CNTNAP5: variants seen among roughly 807,000 people sequenced by gnomAD.
CNTNAP5 encodes the protein contactin associated protein family member 5.
Under a neutral mutation model 150.2 loss-of-function variants are expected in CNTNAP5, and 72 were observed. That is an observed-to-expected ratio of 0.48 (90% confidence interval 0.40 to 0.58). The LOEUF is 0.58. Ranked by LOEUF, CNTNAP5 falls within the 20% of genes least tolerant of loss-of-function variation. The probability of loss-of-function intolerance (pLI) is 0.00; values close to 1 mark genes in which losing one functional copy is unlikely to be tolerated. For synonymous variants in CNTNAP5, 672 were observed against 619.8 expected, an observed-to-expected ratio of 1.08 and a Z score of -1.25; for missense variants, 1,636 against 1,626.2, an observed-to-expected ratio of 1.01 and a Z score of -0.10.
intron 11 of CNTNAP5, among the ~76,000 whole-genome samples, chr2:124,580,453 A>G (rs1234630062): frequency 6.6e-6 from 1 of 152,192 alleles, no homozygotes; most frequent in Non-Finnish European, 1.5e-5. Context: ...TCTGTACCTC[A>G]CTTCCACTTT....
At chr2:124,644,744 G>A (rs941720044) in intron 12 of CNTNAP5, among the ~76,000 whole-genome samples, 2 of 152,120 alleles carry the variant, frequency 1.3e-5, no homozygotes, top group African/African-American at 4.8e-5. Flanking sequence ...TTATCCTGCT[G>A]TCTCCCAGGA....
intron 19 of CNTNAP5, among the ~76,000 whole-genome samples, chr2:124,819,817 C>T (rs899030677): frequency 2.6e-5 from 4 of 152,132 alleles, no homozygotes; most frequent in African/African-American, 7.2e-5. Flanking sequence ...AATATCCAGG[C>T]CTCGATGCCA....
At chr2:124,698,375 T>TACACACACACACAC (rs59897587) in intron 13 of CNTNAP5, among the ~76,000 whole-genome samples, 12,336 of 147,296 alleles carry the variant, frequency 0.084, 617 homozygotes, top group Non-Finnish European at 0.12. Context: ...GACGAGAGGA[T>TACACACACACACAC]ACACACACAC....
At chr2:124,290,037 G>A (rs977165760) in intron 3 of CNTNAP5, among the ~76,000 whole-genome samples, 5 of 152,096 alleles carry the variant, frequency 3.3e-5, no homozygotes, top group Non-Finnish European at 5.9e-5. Flanking sequence ...GTTTTGGGGA[G>A]GGTGTTTATA....
In CNTNAP5 at chr2:124,647,800, T is replaced by C; in HGVS notation, c.1919T>C (p.Leu640Pro). 1 of 1,613,160 alleles carries C rather than the reference T, an allele frequency of 6.2e-7. No individual in the cohort carries two copies. The highest frequency in any genetic ancestry group is 8.5e-7 in the Non-Finnish European group (1 of 1,179,410). Residue 640 changes from leucine (L) to proline (P), a missense_variant, in exon 13 of 24, where the codon CTG becomes CCG. Coordinates refer to ENST00000682447, the MANE Select transcript of CNTNAP5 (RefSeq NM_001367498.1). ...WTSVQHNNTE[L>P]TRVRGANPEK... ...TCAGTGCAGCACAACAATACAGAGC[T>C]GACCCGAGTGCGGGGCGCTAACCCT...
At chr2:124,765,232 A>C (rs973858495) in intron 16 of CNTNAP5, among the ~76,000 whole-genome samples, 41 of 152,132 alleles carry the variant, frequency 2.7e-4, no homozygotes, top group African/African-American at 4.6e-4. Context: ...GCAAGCAAAA[A>C]AATTCTACTA....
intron 3 of CNTNAP5, among the ~76,000 whole-genome samples, chr2:124,249,288 G>T (rs1433950911): frequency 6.6e-6 from 1 of 152,112 alleles, no homozygotes; most frequent in Non-Finnish European, 1.5e-5. Flanking sequence ...CTCTTGTGGG[G>T]AAAATCCACA....
intron 6 of CNTNAP5, among the ~76,000 whole-genome samples, chr2:124,452,168 A>G (rs1477990854): frequency 6.6e-6 from 1 of 152,012 alleles, no homozygotes; most frequent in Admixed American, 6.6e-5. Context: ...CTGCTTTTCC[A>G]CTGCTTGGAA....
chr2:124,439,198 A>G (rs886779793), intron 5 of CNTNAP5, among the ~76,000 whole-genome samples: 3 of 152,298 alleles, frequency 2.0e-5, no homozygotes, highest in Non-Finnish European at 4.4e-5. Flanking sequence ...AGAGGGGAGA[A>G]AAACAGGTAT....
At chr2:124,555,451 T>C (rs1052986087) in intron 10 of CNTNAP5, among the ~76,000 whole-genome samples, 13 of 152,230 alleles carry the variant, frequency 8.5e-5, no homozygotes, top group African/African-American at 3.1e-4. Context: ...CCCATATCAC[T>C]GTATCATTGG....
intron 1 of CNTNAP5, among the ~76,000 whole-genome samples, chr2:124,029,879 C>T (rs1343612386): frequency 6.6e-6 from 1 of 152,214 alleles, no homozygotes; most frequent in African/African-American, 2.4e-5. Context: ...AATTATCCCC[C>T]TTAGATGAGA....
chr2:124,412,489 G>T (rs1316661709), intron 3 of CNTNAP5, among the ~76,000 whole-genome samples: 2 of 151,466 alleles, frequency 1.3e-5, no homozygotes, highest in South Asian at 2.1e-4. Flanking sequence ...ATACTACAAG[G>T]CTACAGTAAC....
chr2:124,754,689 T>A (rs1175225987), intron 14 of CNTNAP5, among the ~76,000 whole-genome samples: 1 of 152,152 alleles, frequency 6.6e-6, no homozygotes, highest in East Asian at 1.9e-4. Context: ...GTTTCAATTT[T>A]TTTTTATTTT....
chr2:124,179,489 A>G (rs190462062), intron 1 of CNTNAP5, among the ~76,000 whole-genome samples: 1 of 152,236 alleles, frequency 6.6e-6, no homozygotes, highest in East Asian at 1.9e-4. Flanking sequence ...TGAACACATC[A>G]ATTTTGCTTA....
At chr2:124,333,945 T>C (rs1355527019) in intron 3 of CNTNAP5, among the ~76,000 whole-genome samples, 1 of 152,176 alleles carries the variant, frequency 6.6e-6, no homozygotes, top group East Asian at 1.9e-4. Flanking sequence ...GTCTTGCTGG[T>C]GACTCATGAG....
chr2:124,598,885 C>T (rs1024049591), intron 11 of CNTNAP5, among the ~76,000 whole-genome samples: 34 of 150,604 alleles, frequency 2.3e-4, no homozygotes, highest in Middle Eastern at 3.4e-3. Context: ...GCGCAATATT[C>T]GGGTGGGAGT....
At chr2:124,718,756 A>G (rs2105113374) in intron 13 of CNTNAP5, among the ~76,000 whole-genome samples, 1 of 152,178 alleles carries the variant, frequency 6.6e-6, no homozygotes, top group South Asian at 2.1e-4. Context: ...ATCCTGGCCA[A>G]TATGTCGAAA....
Position 124,242,223 on chromosome 2 carries a change from G to T in CNTNAP5, c.211G>T (p.Asp71Tyr). 2 of 1,595,460 alleles carry T rather than the reference G, an allele frequency of 1.3e-6. No homozygotes were observed. Among genetic ancestry groups the T allele is most frequent in the Non-Finnish European group, 1.7e-6 (2 of 1,170,068 alleles). Reference protein sequence around the residue: ...RVGTGGWSPADSNAQQWLQMD... With the variant: ...RVGTGGWSPAYSNAQQWLQMD... ...AGGAACTGGCGGTTGGTCCCCAGCAGATTCCAATGCTCAACAGTGGCTCCA... is the reference window on the plus strand; with the variant it reads ...AGGAACTGGCGGTTGGTCCCCAGCATATTCCAATGCTCAACAGTGGCTCCA... Residue 71 changes from aspartate to tyrosine, a missense_variant, in exon 3 of 24, where the codon GAT (aspartate) becomes TAT (tyrosine). Transcript: ENST00000682447.
intron 3 of CNTNAP5, among the ~76,000 whole-genome samples, chr2:124,403,599 C>CTT (rs1691487003): frequency 1.3e-5 from 2 of 152,172 alleles, no homozygotes; most frequent in Admixed American, 1.3e-4. Context: ...TTCAATATAC[C>CTT]TTTAAGAAAT....
Sources: allele counts gnomAD v4.1 joint callset (sites outside exome capture counted in the v4.1 genomes callset), GRCh38; gene constraint gnomAD v4.1.1; transcripts MANE v1.5; gene names NCBI Gene and HGNC (gene_info 2026-07-23, HGNC 2026-07-21).